The following PPP1R14B variants were observed in gnomAD, a reference collection of about 807,000 sequenced individuals.
The protein encoded by PPP1R14B is protein phosphatase 1 regulatory subunit 14B.
Under a neutral mutation model 14.7 loss-of-function variants are expected in PPP1R14B, and 4 were observed. The ratio of observed to expected loss-of-function variants is 0.27; its 90% CI spans 0.13 to 0.62. PPP1R14B has a LOEUF of 0.62. Ranked by LOEUF, PPP1R14B falls within the 20% of genes least tolerant of loss-of-function variation. The pLI is 0.85. For synonymous variants in PPP1R14B, 76 were observed against 87.3 expected, an observed-to-expected ratio of 0.87 and a Z score of 0.72; for missense variants, 138 against 201.5, an observed-to-expected ratio of 0.68 and a Z score of 1.91.
rs1382151274 is a variant in PPP1R14B at position 64,244,918 on chromosome 11, G to A, written c.375+12C>T. 3 of 1,611,934 alleles carry A rather than the reference G, an allele frequency of 1.9e-6. No homozygotes were observed. Among genetic ancestry groups the A allele is most frequent in the Non-Finnish European group, 2.5e-6 (3 of 1,178,548 alleles). ...CCTGCCACCCCCGCCAGCCCCCCAG[G>A]AAATCTCTTACCTCTGTGGGTTTGT... On this transcript the variant is annotated intron_variant, in intron 3 of 3. Coordinates refer to ENST00000309318, the MANE Select transcript of PPP1R14B (RefSeq NM_138689.3).
In PPP1R14B at chr11:64,246,432, C is replaced by A; in HGVS notation, c.242G>T (p.Arg81Leu). The A allele has an allele frequency of 1.9e-6, 3 of 1,608,478 alleles. No individual in the cohort carries two copies. Among genetic ancestry groups the A allele is most frequent in the Non-Finnish European group, 2.5e-6 (3 of 1,178,390 alleles). ...GGAACACACCTGGCAGTCGTAGAGGCGCGTGAGCTGCTCCAGGATCCACTC... is the reference window on the plus strand; with the variant it reads ...GGAACACACCTGGCAGTCGTAGAGGAGCGTGAGCTGCTCCAGGATCCACTC... ...LEEWILEQLT[R>L]LYDCQEEEIP... Residue 81 changes from arginine (R) to leucine (L), a missense_variant, in exon 1 of 4, where the codon CGC becomes CTC. Arg to Leu is a moderately radical substitution (Grantham distance 102, BLOSUM62 -2). Transcript: ENST00000309318.
In PPP1R14B at chr11:64,246,431, G is replaced by A; in HGVS notation, c.243C>T (p.Arg81=). 1 of 1,608,614 alleles carries A rather than the reference G, an allele frequency of 6.2e-7. No individual in the cohort carries two copies. Among genetic ancestry groups the A allele is most frequent in the Non-Finnish European group, 8.5e-7 (1 of 1,178,452 alleles). The part of the protein sequence containing the change: ...LEEWILEQLT[R]LYDCQEEEIP... Reference sequence around the variant, plus strand: ...GGGAACACACCTGGCAGTCGTAGAGGCGCGTGAGCTGCTCCAGGATCCACT... The same window carrying A: ...GGGAACACACCTGGCAGTCGTAGAGACGCGTGAGCTGCTCCAGGATCCACT... The change falls in exon 1 of 4, where the codon CGC becomes CGT. Residue 81 remains arginine, a synonymous_variant. Transcript: ENST00000309318.
chr11:64,244,953 C>T lies in PPP1R14B; in HGVS notation c.352G>A (p.Val118Ile). 2 of 1,611,908 alleles carry T rather than the reference C, an allele frequency of 1.2e-6. No homozygotes were observed. The highest frequency in any genetic ancestry group is 1.7e-6 in the Non-Finnish European group (2 of 1,178,654). The change falls in exon 3 of 4, where the codon GTT becomes ATT. Residue 118 changes from valine to isoleucine, a missense_variant. By Grantham distance (29) the Val-to-Ile change is conservative (BLOSUM62 3). This residue lies in a region of PPP1R14B where 84 missense variants were observed against 137.5 expected (regional missense o/e 0.61). Transcript: ENST00000309318. ...ACCTCTGTGGGTTTGTAACAGTCAA[C>T]CAGCAGCTCCTAGCAGAGGATGGGG... ...ARAARVKELL[V>I]DCYKPTEAFI... is the part of the protein sequence containing the mutation.
At chr11:64,245,612 A>G in intron 1 of PPP1R14B, 1 of 331,734 alleles carries the variant, frequency 3.0e-6, no homozygotes, top group Non-Finnish European at 5.6e-6. Flanking sequence ...ATCTCACCAG[A>G]GCACCGGTGG....
In PPP1R14B at chr11:64,244,839, G is replaced by A. The variant is rs2030804167; in HGVS notation, c.376-17C>T. 2.5e-6 allele frequency: 4 copies of A among 1,614,008 alleles called. No homozygotes were observed. Among genetic ancestry groups the A allele is most frequent in the Non-Finnish European group, 3.4e-6 (4 of 1,179,948 alleles). On this transcript the variant is annotated splice_polypyrimidine_tract_variant and intron_variant, in intron 3 of 3. Transcript: ENST00000309318. ...AATGAAGGCCTGGATGGGGTGGGAG[G>A]GTAAACATTAAGGAGACCAGACCCC...
In PPP1R14B at chr11:64,246,941, C is replaced by G. The variant is rs1407285653; in HGVS notation, c.-268G>C. ...GCAGCCGCCGAAGCGCTTTCTCTGT[C>G]TCGCTCTTCCTCCGCCCCCCGACCA... is the stretch of plus-strand genomic sequence containing the variant. On this transcript the variant is annotated 5_prime_UTR_variant, in exon 1 of 4. Coordinates refer to ENST00000309318, the MANE Select transcript of PPP1R14B (RefSeq NM_138689.3). 6.7e-6 allele frequency: 1 copy of G among 148,408 alleles called. No homozygotes were observed. Among genetic ancestry groups the G allele is most frequent in the African/African-American group, 2.5e-5 (1 of 40,276 alleles). The allele number at this position is 148,408 out of a possible 1,614,324, so 9.2% of individuals were successfully genotyped here.
chr11:64,245,480 G>T lies in PPP1R14B; in HGVS notation c.259-193C>A, dbSNP rs933128013. 3 of 489,252 alleles carry T rather than the reference G, an allele frequency of 6.1e-6. No individual in the cohort carries two copies. The South Asian group carries it at 7.9e-5, about 13-fold the overall frequency. The allele number at this position is 489,252 out of a possible 1,614,324, so 30.3% of individuals were successfully genotyped here. A position where few individuals can be genotyped will look rare whatever the true frequency, so the allele number is the denominator to read the frequency against. On this transcript the variant is annotated intron_variant, in intron 1 of 3. Transcript: ENST00000309318. ...AGGCAAACTGCCCAAAGCGGGGTGG[G>T]GGGGGGAGCTTCCTGTCCCTGCCAG... is the stretch of plus-strand genomic sequence containing the variant.
intron 2 of PPP1R14B, 64 bp downstream of exon 2, chr11:64,245,140 G>C: frequency 6.4e-7 from 1 of 1,562,748 alleles, no homozygotes; most frequent in South Asian, 1.2e-5. Flanking sequence ...TGAGGGCCTG[G>C]CTCCACAGCC....
intron 2 of PPP1R14B, 92 bp downstream of exon 2, chr11:64,245,112 G>A: frequency 1.3e-6 from 2 of 1,500,084 alleles, no homozygotes; most frequent in Non-Finnish European, 1.8e-6. Context: ...CCATTCTGTT[G>A]AGGCAGGAGC....
Position 64,244,836 on chromosome 11 carries a change from G to T in PPP1R14B, c.376-14C>A, listed in dbSNP as rs554703355. The T allele has an allele frequency of 2.5e-6, 4 of 1,614,090 alleles. No individual in the cohort carries two copies. The South Asian group carries it at 4.4e-5, about 18-fold the overall frequency. ...AGAAATGAAGGCCTGGATGGGGTGG[G>T]AGGGTAAACATTAAGGAGACCAGAC... On this transcript the variant is annotated splice_polypyrimidine_tract_variant and intron_variant, in intron 3 of 3. Coordinates refer to ENST00000309318, the MANE Select transcript of PPP1R14B (RefSeq NM_138689.3).
intron 1 of PPP1R14B, chr11:64,246,047 C>G (rs2030865201): frequency 8.4e-6 from 2 of 238,588 alleles, no homozygotes; most frequent in Non-Finnish European, 1.7e-5. Flanking sequence ...TCCTACCAGA[C>G]CAGCACCTTG....
chr11:64,246,253 G>A, intron 1 of PPP1R14B, 163 bp downstream of exon 1: 1 of 962,832 alleles, frequency 1.0e-6, no homozygotes, highest in Non-Finnish European at 1.5e-6. Context: ...ACTTAGGTCA[G>A]GCAAGAAAGA....
In PPP1R14B at chr11:64,244,604, G is replaced by T; in HGVS notation, c.*150C>A. The T allele has an allele frequency of 7.0e-7, 1 of 1,422,460 alleles. No individual in the cohort carries two copies. Among genetic ancestry groups the T allele is most frequent in the Admixed American group, 2.6e-5 (1 of 38,564 alleles). The allele number at this position is 1,422,460 out of a possible 1,614,324, so 88.1% of individuals were successfully genotyped here. A position where few individuals can be genotyped will look rare whatever the true frequency, so the allele number is the denominator to read the frequency against. On this transcript the variant is annotated 3_prime_UTR_variant, in exon 4 of 4. Transcript: ENST00000309318. ...ACCCCAAAAGTGGAAAACTGAGGGG[G>T]CAGGGGAAGAGACCCCTGGGCCAGG...
rs1335688147 is a variant in PPP1R14B at position 64,244,812 on chromosome 11, G to A, written c.386C>T (p.Ser129Phe). ...DCYKPTEAFI[S>F]GLLDKIRGMQ... ...GCCCCGGATCTTGTCCAGCAGGCCA[G>A]AAATGAAGGCCTGGATGGGGTGGGA... Residue 129 changes from serine (S) to phenylalanine (F), a missense_variant, in exon 4 of 4, where the codon TCT becomes TTT. Coordinates refer to ENST00000309318, the MANE Select transcript of PPP1R14B (RefSeq NM_138689.3). 1.1e-5 allele frequency: 17 copies of A among 1,614,144 alleles called. No individual in the cohort carries two copies. The highest frequency in any genetic ancestry group is 1.3e-5 in the African/African-American group (1 of 75,054).
chr11:64,244,900 C>T (rs770888599), intron 3 of PPP1R14B, 30 bp downstream of exon 3: 28 of 1,610,800 alleles, frequency 1.7e-5, no homozygotes, highest in Non-Finnish European at 2.4e-5. Context: ...CACCCTGCCA[C>T]CCCCGCCAGC....
intron 1 of PPP1R14B, chr11:64,246,091 T>C: frequency 3.1e-6 from 1 of 325,680 alleles, no homozygotes; most frequent in South Asian, 4.3e-5. Context: ...CACCAGGCGG[T>C]GAGACCTCCT....
rs1277839495 is a variant in PPP1R14B at position 64,244,808 on chromosome 11, G to A, written c.390C>T (p.Gly130=). The change falls in exon 4 of 4, where the codon GGC becomes GGT. Residue 130 remains glycine, a synonymous_variant. Coordinates refer to ENST00000309318, the MANE Select transcript of PPP1R14B (RefSeq NM_138689.3). ...GCATGCCCCGGATCTTGTCCAGCAG[G>A]CCAGAAATGAAGGCCTGGATGGGGT... ...CYKPTEAFIS[G]LLDKIRGMQK... 2.5e-6 allele frequency: 4 copies of A among 1,613,998 alleles called. No homozygotes were observed. The highest frequency in any genetic ancestry group is 2.2e-5 in the South Asian group (2 of 91,090).
chr11:64,246,489 C>A lies in PPP1R14B; in HGVS notation c.185G>T (p.Arg62Leu). 6.2e-7 allele frequency: 1 copy of A among 1,609,876 alleles called. No homozygotes were observed. The highest frequency in any genetic ancestry group is 1.1e-5 in the South Asian group (1 of 90,598). Residue 62 changes from arginine (R) to leucine (L), a missense_variant, in exon 1 of 4, where the codon CGC becomes CTC. By Grantham distance (102) the Arg-to-Leu change is moderately radical (BLOSUM62 -2). This residue lies in a region of PPP1R14B where 84 missense variants were observed against 137.5 expected (regional missense o/e 0.61). Coordinates refer to ENST00000309318, the MANE Select transcript of PPP1R14B (RefSeq NM_138689.3). ...RQGKVTVKYD[R>L]KELRKRLNLE... is the part of the protein sequence containing the mutation. ...GTTGAGGCGCTTCCGTAGCTCCTTGCGGTCATACTTGACGGTGACCTTCCC... is the reference window on the plus strand; with the variant it reads ...GTTGAGGCGCTTCCGTAGCTCCTTGAGGTCATACTTGACGGTGACCTTCCC...
At position 64,244,857 on chromosome 11, in the gene PPP1R14B, C is replaced by T. The variant is rs779652780; in HGVS notation, c.376-35G>A. On this transcript the variant is annotated intron_variant, in intron 3 of 3. Coordinates refer to ENST00000309318, the MANE Select transcript of PPP1R14B (RefSeq NM_138689.3). ...GTGGGAGGGTAAACATTAAGGAGAC[C>T]AGACCCCAAGATGACAGGAGCCGGG... 8 of 1,613,684 alleles carry T rather than the reference C, an allele frequency of 5.0e-6. No individual in the cohort carries two copies. The Admixed American group carries it at 8.3e-5, about 17-fold the overall frequency.
Sources: gnomAD v4.1 joint callset for allele counts on GRCh38, gnomAD v4.1.1 for gene constraint, gnomAD v4.1.1 regional missense constraint, MANE v1.5 for transcripts, NCBI Gene and HGNC (gene_info 2026-07-23, HGNC 2026-07-21) for gene names.